Variants in ZNF397 observed in about 807,000 individuals in gnomAD.
The protein encoded by ZNF397 is zinc finger and SCAN domain-containing protein 15.
ZNF397 carries 38 observed loss-of-function variants against 50.6 expected under a neutral mutation model. The observed-to-expected ratio is 0.75, with a 90% CI of 0.58 to 0.98. The LOEUF is 0.98. ZNF397 is among the 50% of genes least tolerant of loss of function. The probability of loss-of-function intolerance (pLI) is 0.00; values close to 1 mark genes in which losing one functional copy is unlikely to be tolerated. For synonymous variants in ZNF397, 228 were observed against 215.2 expected, an observed-to-expected ratio of 1.06 and a Z score of -0.52; for missense variants, 624 against 624.1, an observed-to-expected ratio of 1.00 and a Z score of 0.00.
downstream of ZNF397, chr18:35,253,345 G>T: frequency 1.2e-6 from 1 of 855,048 alleles, no homozygotes; most frequent in Non-Finnish European, 1.8e-6. Context: ...GAACTGGGAG[G>T]GAAGGACAGA....
At position 35,246,140 on chromosome 18, in the gene ZNF397, G is replaced by C; in HGVS notation, c.1435G>C (p.Glu479Gln). Residue 479 changes from glutamate to glutamine, a missense_variant, in exon 4 of 4, where the codon GAA (glutamate) becomes CAA (glutamine). By Grantham distance (29) the Glu-to-Gln change is conservative. Coordinates refer to ENST00000330501, the MANE Select transcript of ZNF397 (RefSeq NM_001135178.3). ...IRHQRIHSGEEPYQCNECGKT... is the reference protein window; with the variant it reads ...IRHQRIHSGEQPYQCNECGKT... The stretch of plus-strand genomic sequence containing the variant: ...ACATCAGAGAATTCATAGTGGGGAG[G>C]AACCTTATCAGTGTAATGAATGTGG... The C allele has an allele frequency of 6.4e-7, 1 of 1,551,264 alleles. No individual in the cohort carries two copies. Among genetic ancestry groups the C allele is most frequent in the Non-Finnish European group, 8.7e-7 (1 of 1,146,580 alleles).
downstream of ZNF397, among the ~76,000 whole-genome samples, chr18:35,249,999 T>C (rs919347576): frequency 5.3e-5 from 8 of 152,190 alleles, no homozygotes; most frequent in Non-Finnish European, 1.2e-4. Flanking sequence ...GCATCTCTTG[T>C]CTCTTCCAAG....
chr18:35,245,258 T>C lies in ZNF397; in HGVS notation c.557-4T>C, dbSNP rs749813192. 7.6e-6 allele frequency: 12 copies of C among 1,581,420 alleles called. No individual in the cohort carries two copies. In the African/African-American group the frequency reaches 1.6e-4, roughly 22 times the overall value. On this transcript the variant is annotated splice_region_variant and splice_polypyrimidine_tract_variant and intron_variant, in intron 3 of 3. Transcript: ENST00000330501. ...ATCTGTTTTTTTGCTACTTATTGTT[T>C]CAGATTGTGAGAACAGTGAAACAGC...
At chr18:35,250,355 C>T (rs940637589), downstream of ZNF397, among the ~76,000 whole-genome samples, 7 of 152,100 alleles carry the variant, frequency 4.6e-5, no homozygotes, top group African/African-American at 1.7e-4. Flanking sequence ...GGGTGGATGT[C>T]AAAGGAAATT....
intron 2 of ZNF397, 86 bp downstream of exon 2, chr18:35,242,970 A>G (rs1598578954): frequency 3.3e-6 from 5 of 1,510,502 alleles, no homozygotes; most frequent in Non-Finnish European, 8.8e-7. Context: ...AAAAATTTTT[A>G]TGTCTCTACT....
chr18:35,253,019 A>G (rs984503246), downstream of ZNF397: 1 of 157,874 alleles, frequency 6.3e-6, no homozygotes, highest in African/African-American at 2.4e-5. Context: ...AGATAGTTGA[A>G]TAACTCTCAG....
In ZNF397 at chr18:35,245,303, GA is replaced by G; in HGVS notation, c.600del (p.Glu201LysfsTer22). ...SETATKEGIS[E>X]EKSQGLPQEP... ...AACAGCAACAAAAGAGGGCATCTCAGAAGAAAAATCACAGGGACTCCCTCAG... is the reference window on the plus strand; with the variant it reads ...AACAGCAACAAAAGAGGGCATCTCAGAGAAAAATCACAGGGACTCCCTCAG... On this transcript the variant is annotated frameshift_variant, in exon 4 of 4. Coordinates refer to ENST00000330501, the MANE Select transcript of ZNF397 (RefSeq NM_001135178.3). LOFTEE classifies it high-confidence loss of function. 1 of 1,611,670 alleles carries G rather than the reference GA, an allele frequency of 6.2e-7. No homozygotes were observed. The highest frequency in any genetic ancestry group is 2.2e-5 in the East Asian group (1 of 44,814).
At position 35,247,407 on chromosome 18, in the gene ZNF397, G is replaced by GTTT. The variant is rs1371798471; in HGVS notation, c.*1098_*1099insTTT. The stretch of plus-strand genomic sequence containing the variant: ...GCCTATACCTCAAGAGTCTGCTAGA[G>GTTT]TGTTAAGACTCTATTCTCCTTTGAT... On this transcript the variant is annotated 3_prime_UTR_variant, in exon 4 of 4. Transcript: ENST00000330501. 1 of 152,430 alleles carries GTTT rather than the reference G, an allele frequency of 6.6e-6. No homozygotes were observed. Among genetic ancestry groups the GTTT allele is most frequent in the Non-Finnish European group, 1.5e-5 (1 of 68,260 alleles). 9.4% of individuals were successfully genotyped at this position (152,430 alleles called of 1,614,324 possible). A position where few individuals can be genotyped will look rare whatever the true frequency, so the allele number is the denominator to read the frequency against.
downstream of ZNF397, chr18:35,249,828 T>A (rs1046529143): frequency 2.0e-5 from 3 of 152,164 alleles, no homozygotes; most frequent in Admixed American, 6.5e-5. Context: ...TGGTTATGTG[T>A]GGGTGCTGAG....
At position 35,248,431 on chromosome 18, in the gene ZNF397, T is replaced by A. The variant is rs2043517291; in HGVS notation, c.*2121T>A. 1 of 152,198 alleles carries A rather than the reference T, an allele frequency of 6.6e-6. No homozygotes were observed. The highest frequency in any genetic ancestry group is 2.4e-5 in the African/African-American group (1 of 41,420). The allele number at this position is 152,198 out of a possible 1,614,324, so 9.4% of individuals were successfully genotyped here. On this transcript the variant is annotated 3_prime_UTR_variant, in exon 4 of 4. Transcript: ENST00000330501. ...TGGTAAGAGCTACTCAACTCTTGTT[T>A]TTCTCCTTTTCCATAGATAAAGACC...
Position 35,246,473 on chromosome 18 carries a change from T to G in ZNF397, c.*163T>G, listed in dbSNP as rs1191897463. The G allele has an allele frequency of 7.1e-7, 1 of 1,416,246 alleles. No individual in the cohort carries two copies. Among genetic ancestry groups the G allele is most frequent in the Admixed American group, 3.2e-5 (1 of 30,950 alleles). The allele number at this position is 1,416,246 out of a possible 1,614,324, so 87.7% of individuals were successfully genotyped here. ...TCCCAGTGCTAATGTAAAGTGTCCCTTGAAAGCTTTTCCTGTGACTAATCA... is the reference window on the plus strand; with the variant it reads ...TCCCAGTGCTAATGTAAAGTGTCCCGTGAAAGCTTTTCCTGTGACTAATCA... On this transcript the variant is annotated 3_prime_UTR_variant, in exon 4 of 4. Coordinates refer to ENST00000330501, the MANE Select transcript of ZNF397 (RefSeq NM_001135178.3).
chr18:35,254,256 C>T, downstream of ZNF397: 1 of 1,614,162 alleles, frequency 6.2e-7, no homozygotes, highest in Non-Finnish European at 8.5e-7. Flanking sequence ...CCCAAAGCTT[C>T]TTCAGCTATC....
intron 5 of ZNF397, chr18:35,256,908 A>T (rs1257637483): frequency 1.3e-5 from 2 of 152,338 alleles, no homozygotes; most frequent in African/African-American, 4.8e-5. Flanking sequence ...CCAGTAACTA[A>T]GAGTACAGGT....
At position 35,242,837 on chromosome 18, in the gene ZNF397, A is replaced by G; in HGVS notation, c.367A>G (p.Thr123Ala). 2 of 1,613,874 alleles carry G rather than the reference A, an allele frequency of 1.2e-6. No homozygotes were observed. Among genetic ancestry groups the G allele is most frequent in the Non-Finnish European group, 1.7e-6 (2 of 1,179,880 alleles). The change falls in exon 2 of 4, where the codon ACC becomes GCC. Residue 123 changes from threonine to alanine, a missense_variant. Coordinates refer to ENST00000330501, the MANE Select transcript of ZNF397 (RefSeq NM_001135178.3). ...HNPESGEEAV[T>A]LLEDLEREFD... ...TCCAGAAAGCGGCGAGGAAGCTGTG[A>G]CCCTGTTGGAGGATTTAGAGAGGGA...
Position 35,248,082 on chromosome 18 carries a change from T to C in ZNF397, c.*1772T>C, listed in dbSNP as rs2043511837. The C allele has an allele frequency of 6.6e-6, 1 of 152,232 alleles. No homozygotes were observed. Among genetic ancestry groups the C allele is most frequent in the Non-Finnish European group, 1.5e-5 (1 of 68,050 alleles). The allele number at this position is 152,232 out of a possible 1,614,324, so 9.4% of individuals were successfully genotyped here. A position where few individuals can be genotyped will look rare whatever the true frequency, so the allele number is the denominator to read the frequency against. ...GAGGGGCCTAGCAGGAAGAGAATAT[T>C]TAGACTGATGCTTAGTGTAAGAAGG... is the stretch of plus-strand genomic sequence containing the variant. On this transcript the variant is annotated 3_prime_UTR_variant, in exon 4 of 4. Transcript: ENST00000330501.
In ZNF397 at chr18:35,246,207, G is replaced by C. The variant is rs1286895213; in HGVS notation, c.1502G>C (p.Arg501Thr). 1 of 1,551,974 alleles carries C rather than the reference G, an allele frequency of 6.4e-7. No individual in the cohort carries two copies. Among genetic ancestry groups the C allele is most frequent in the Non-Finnish European group, 8.7e-7 (1 of 1,147,082 alleles). ...AGCTCAGCCCTTGTTCAGCATCAGA[G>C]AATTCATTCTGGGGATGAAGCTTAT... ...KRSSALVQHQ[R>T]IHSGDEAYIC... Residue 501 changes from arginine (R) to threonine (T), a missense_variant, in exon 4 of 4, where the codon AGA (arginine) becomes ACA (threonine). Transcript: ENST00000330501.
At chr18:35,251,976 TA>T (rs1469923136), downstream of ZNF397, 2 of 152,112 alleles carry the variant, frequency 1.3e-5, no homozygotes, top group Non-Finnish European at 2.9e-5. Flanking sequence ...GTGGGTTAAT[TA>T]AAACTGCCAA....
chr18:35,248,170 A>G lies in ZNF397; in HGVS notation c.*1860A>G, dbSNP rs2043513091. 1 of 152,234 alleles carries G rather than the reference A, an allele frequency of 6.6e-6. No homozygotes were observed. The highest frequency in any genetic ancestry group is 1.5e-5 in the Non-Finnish European group (1 of 68,030). The allele number at this position is 152,234 out of a possible 1,614,324, so 9.4% of individuals were successfully genotyped here. On this transcript the variant is annotated 3_prime_UTR_variant, in exon 4 of 4. Coordinates refer to ENST00000330501, the MANE Select transcript of ZNF397 (RefSeq NM_001135178.3). Reference sequence around the variant, plus strand: ...TCAAAAGACCTAATAGGTCAGAAGAATAACATACCACACCAAAAACAAATC... The same window carrying G: ...TCAAAAGACCTAATAGGTCAGAAGAGTAACATACCACACCAAAAACAAATC...
Position 35,246,130 on chromosome 18 carries a change from T to C in ZNF397, c.1425T>C (p.His475=), listed in dbSNP as rs1035551954. The change falls in exon 4 of 4, where the codon CAT becomes CAC. Residue 475 remains histidine (H), a synonymous_variant. Transcript: ENST00000330501. ...SSNLIRHQRI[H]SGEEPYQCNE... is the part of the protein sequence containing the mutation. The stretch of plus-strand genomic sequence containing the variant: ...ACCTTATCAGACATCAGAGAATTCA[T>C]AGTGGGGAGGAACCTTATCAGTGTA... 6.4e-7 allele frequency: 1 copy of C among 1,551,310 alleles called. No homozygotes were observed. Among genetic ancestry groups the C allele is most frequent in the African/African-American group, 1.4e-5 (1 of 72,994 alleles).
Sources: gnomAD v4.1 joint callset for allele counts (sites outside exome capture counted in the v4.1 genomes callset) on GRCh38, gnomAD v4.1.1 for gene constraint, MANE v1.5 for transcripts, NCBI Gene and HGNC (gene_info 2026-07-23, HGNC 2026-07-21) for gene names.